NTN5: variants seen among roughly 807,000 people sequenced by gnomAD.
NTN5 encodes netrin-5.
NTN5 carries 42 observed loss-of-function variants against 38.7 expected under a neutral mutation model. The observed-to-expected ratio is 1.08, with a 90% confidence interval of 0.85 to 1.40. NTN5 has a LOEUF of 1.40. NTN5 is among the 40% of genes most tolerant of loss of function. The pLI, the probability that NTN5 is intolerant of heterozygous loss-of-function variation, is 0.00. For synonymous variants in NTN5, 329 were observed against 303.9 expected, an observed-to-expected ratio of 1.08 and a Z score of -0.86; for missense variants, 658 against 716.5, an observed-to-expected ratio of 0.92 and a Z score of 0.93.
chr19:48,664,574 C>T lies in NTN5; in HGVS notation c.820+5G>A. 2 of 1,605,508 alleles carry T rather than the reference C, an allele frequency of 1.2e-6. No homozygotes were observed. The highest frequency in any genetic ancestry group is 1.7e-6 in the Non-Finnish European group (2 of 1,175,768). ...CCCCCAGGCCTGTCTGCAGGCCACA[C>T]TCACCTCTGCAGGCCCTGCGGCTGA... On this transcript the variant is annotated splice_donor_5th_base_variant and intron_variant, in intron 3 of 6. Transcript: ENST00000270235.
At position 48,661,777 on chromosome 19, in the gene NTN5, G is replaced by A. The variant is rs769728097; in HGVS notation, c.1370C>T (p.Pro457Leu). 5 of 1,422,188 alleles carry A rather than the reference G, an allele frequency of 3.5e-6. No individual in the cohort carries two copies. Among genetic ancestry groups the A allele is most frequent in the Non-Finnish European group, 4.6e-6 (5 of 1,098,396 alleles). The allele number at this position is 1,422,188 out of a possible 1,614,324, so 88.1% of individuals were successfully genotyped here. A position where few individuals can be genotyped will look rare whatever the true frequency, so the allele number is the denominator to read the frequency against. The change falls in exon 7 of 7, where the codon CCG becomes CTG. Residue 457 changes from proline (P) to leucine (L), a missense_variant. Coordinates refer to ENST00000270235, the MANE Select transcript of NTN5 (RefSeq NM_145807.4). ...CCGCTTCAGGGGCCGGGCCCAGCGC[G>A]GCCTCCATGGCAGCGCGAGGCCGTG... ...DRHGLALPWR[P>L]RWARPLKRLQ...
Position 48,662,042 on chromosome 19 carries a change from C to T in NTN5, c.1106-1G>A. The T allele has an allele frequency of 6.1e-6, 9 of 1,471,474 alleles. No homozygotes were observed. Among genetic ancestry groups the T allele is most frequent in the Non-Finnish European group, 8.0e-6 (9 of 1,119,204 alleles). The allele number at this position is 1,471,474 out of a possible 1,614,324, so 91.2% of individuals were successfully genotyped here. On this transcript the variant is annotated splice_acceptor_variant, in intron 6 of 6. Coordinates refer to ENST00000270235, the MANE Select transcript of NTN5 (RefSeq NM_145807.4). LOFTEE classifies it high-confidence loss of function. ...GACGCTAGCACCTGCGCGCGGAGAA[C>T]TGTGGGGAGGGGAGATGTCAGCCCA...
In NTN5 at chr19:48,661,769, C is replaced by A. The variant is rs748151966; in HGVS notation, c.1378G>T (p.Ala460Ser). The change falls in exon 7 of 7, where the codon GCC (alanine) becomes TCC (serine). Residue 460 changes from alanine (A) to serine (S), a missense_variant. Coordinates refer to ENST00000270235, the MANE Select transcript of NTN5 (RefSeq NM_145807.4). ...GLALPWRPRW[A>S]RPLKRLQQEE... is the part of the protein sequence containing the mutation. ...TGCTGCAGCCGCTTCAGGGGCCGGGCCCAGCGCGGCCTCCATGGCAGCGCG... is the reference window on the plus strand; with the variant it reads ...TGCTGCAGCCGCTTCAGGGGCCGGGACCAGCGCGGCCTCCATGGCAGCGCG... 6.8e-7 allele frequency: 1 copy of A among 1,462,860 alleles called. No individual in the cohort carries two copies. The highest frequency in any genetic ancestry group is 2.6e-5 in the Admixed American group (1 of 38,886). The allele number at this position is 1,462,860 out of a possible 1,614,324, so 90.6% of individuals were successfully genotyped here.
chr19:48,662,898 G>A (rs2031586542), intron 6 of NTN5: 1 of 214,476 alleles, frequency 4.7e-6, no homozygotes, highest in African/African-American at 2.3e-5. Flanking sequence ...GGTTCCTGAG[G>A]GAGAAGTCTG....
intron 2 of NTN5, among the ~76,000 whole-genome samples, 180 bp from the exon 3 acceptor site, chr19:48,664,947 C>T (rs1160944164): frequency 6.6e-6 from 1 of 152,030 alleles, no homozygotes; most frequent in Non-Finnish European, 1.5e-5. Context: ...GAGACTCACT[C>T]TGTCACCCAG....
rs993328933 is a variant in NTN5 at position 48,661,978 on chromosome 19, CGCACGGCCA to C, written c.1160_1168del (p.Leu387_Val389del). On this transcript the variant is annotated inframe_deletion, in exon 7 of 7. Coordinates refer to ENST00000270235, the MANE Select transcript of NTN5 (RefSeq NM_145807.4). ...CCGCTGCTTGTAAACGGCCAGCACG[CGCACGGCCA>C]GCCGCTGCCATGCCGGGCCCGCCGC... 30 of 1,480,276 alleles carry C rather than the reference CGCACGGCCA, an allele frequency of 2.0e-5. No homozygotes were observed. The highest frequency in any genetic ancestry group is 2.7e-5 in the Non-Finnish European group (30 of 1,122,666). 91.7% of individuals were successfully genotyped at this position (1,480,276 alleles called of 1,614,324 possible).
At chr19:48,666,167 C>T (rs2031699525) in intron 2 of NTN5, among the ~76,000 whole-genome samples, 1 of 152,170 alleles carries the variant, frequency 6.6e-6, no homozygotes, top group African/African-American at 2.4e-5. Context: ...CAGAGAGGTA[C>T]AGCTAGCGGG....
At chr19:48,669,901 C>T (rs1601213712) in intron 2 of NTN5, among the ~76,000 whole-genome samples, 1 of 137,420 alleles carries the variant, frequency 7.3e-6, no homozygotes, top group Admixed American at 7.1e-5. Flanking sequence ...TCACCACCAC[C>T]ATCACCACCA....
chr19:48,663,846 G>A (rs759377834), intron 4 of NTN5, 32 bp from the exon 5 acceptor site: 8 of 1,606,086 alleles, frequency 5.0e-6, no homozygotes, highest in African/African-American at 4.0e-5. Flanking sequence ...TAACCTCTTA[G>A]TCATTTCCCC....
Position 48,670,556 on chromosome 19 carries a change from C to T in NTN5, c.431G>A (p.Gly144Asp), listed in dbSNP as rs1231295615. ...CCCAGCTGCCGCTAGCCCGGCCTGGCCCCCAAACTCCACACGGAGGTGGCT... is the reference window on the plus strand; with the variant it reads ...CCCAGCTGCCGCTAGCCCGGCCTGGTCCCCAAACTCCACACGGAGGTGGCT... Reference protein sequence around the residue: ...AASHLRVEFGGQAGLAAAGLR... With the variant: ...AASHLRVEFGDQAGLAAAGLR... The change falls in exon 2 of 7, where the codon GGC (glycine) becomes GAC (aspartate). Residue 144 changes from glycine to aspartate, a missense_variant. Gly to Asp is a moderately conservative substitution (Grantham distance 94). Coordinates refer to ENST00000270235, the MANE Select transcript of NTN5 (RefSeq NM_145807.4). The T allele has an allele frequency of 7.2e-6, 11 of 1,530,354 alleles. No individual in the cohort carries two copies. Among genetic ancestry groups the T allele is most frequent in the African/African-American group, 1.4e-5 (1 of 72,560 alleles). 94.8% of individuals were successfully genotyped at this position (1,530,354 alleles called of 1,614,324 possible). A position where few individuals can be genotyped will look rare whatever the true frequency, so the allele number is the denominator to read the frequency against.
chr19:48,669,688 C>CCATCAT (rs2031862169), intron 2 of NTN5, among the ~76,000 whole-genome samples: 6 of 111,272 alleles, frequency 5.4e-5, no homozygotes, highest in Admixed American at 5.2e-4. Context: ...ACCACCATCA[C>CCATCAT]CACCACCATC....
chr19:48,663,355 T>A (rs1047227244), intron 6 of NTN5, 108 bp downstream of exon 6: 11 of 970,690 alleles, frequency 1.1e-5, no homozygotes, highest in Non-Finnish European at 1.8e-5. Flanking sequence ...AATCCAACAC[T>A]CCTTCCCATT....
At chr19:48,669,534 C>T (rs1288184351) in intron 2 of NTN5, among the ~76,000 whole-genome samples, 17 of 20,928 alleles carry the variant, frequency 8.1e-4, no homozygotes, top group African/African-American at 3.0e-3. Context: ...ACCATCACCA[C>T]CACCATCACC....
In NTN5 at chr19:48,670,404, C is replaced by T; in HGVS notation, c.583G>A (p.Asp195Asn). ...GCESCRPSHR[D>N]WPWRPATPRH... ...GGCGTGGCAGGCCGCCAGGGCCAGTCTCGATGGGACGGGCGGCAGCTCTCG... is the reference window on the plus strand; with the variant it reads ...GGCGTGGCAGGCCGCCAGGGCCAGTTTCGATGGGACGGGCGGCAGCTCTCG... Residue 195 changes from aspartate (D) to asparagine (N), a missense_variant, in exon 2 of 7, where the codon GAC becomes AAC. Physicochemically the swap from Asp to Asn is conservative, Grantham distance 23 (BLOSUM62 1). Coordinates refer to ENST00000270235, the MANE Select transcript of NTN5 (RefSeq NM_145807.4). 7.0e-7 allele frequency: 1 copy of T among 1,431,878 alleles called. No individual in the cohort carries two copies. Among genetic ancestry groups the T allele is most frequent in the East Asian group, 2.7e-5 (1 of 37,190 alleles). 88.7% of individuals were successfully genotyped at this position (1,431,878 alleles called of 1,614,324 possible). A position where few individuals can be genotyped will look rare whatever the true frequency, so the allele number is the denominator to read the frequency against.
In NTN5 at chr19:48,669,201, T is replaced by TGAC. The variant is rs1555749770; in HGVS notation, c.631+1154_631+1155insGTC. On this transcript the variant is annotated intron_variant, in intron 2 of 6. Coordinates refer to ENST00000270235, the MANE Select transcript of NTN5 (RefSeq NM_145807.4). ...ACCATGACCACCATCATCACCACCA[T>TGAC]CACCATCACCACCACCACCACCACG... is the stretch of plus-strand genomic sequence containing the variant. Among the ~76,000 whole-genome samples the TGAC allele has an allele frequency of 1.8e-3, 30 of 16,246 alleles. 7 individuals are homozygous for TGAC. The highest frequency in any genetic ancestry group is 0.018 in the African/African-American group (27 of 1,530). The allele number at this position is 16,246 out of a possible 152,430, so 10.7% of individuals were successfully genotyped here.
Position 48,670,635 on chromosome 19 carries a change from G to T in NTN5, c.352C>A (p.Pro118Thr). 1.9e-6 allele frequency: 3 copies of T among 1,601,374 alleles called. No individual in the cohort carries two copies. Among genetic ancestry groups the T allele is most frequent in the Non-Finnish European group, 2.6e-6 (3 of 1,174,782 alleles). Residue 118 changes from proline to threonine, a missense_variant, in exon 2 of 7, where the codon CCT becomes ACT. Transcript: ENST00000270235. ...GTGGAGTGGAAGGTCACCCTTTCAG[G>T]GCCCCCTAAGGCCCCAGGCCAGGCG... Reference protein sequence around the residue: ...RPAWPGALGGPERVTFHSTPG... With the variant: ...RPAWPGALGGTERVTFHSTPG...
intron 2 of NTN5, among the ~76,000 whole-genome samples, chr19:48,670,074 T>C (rs558032917): frequency 6.7e-6 from 1 of 148,652 alleles, no homozygotes; most frequent in East Asian, 2.0e-4. Context: ...ACCACCATCA[T>C]CACCATTACC....
intron 2 of NTN5, 68 bp from the exon 3 acceptor site, chr19:48,664,835 C>T (rs1318075479): frequency 7.3e-7 from 1 of 1,362,830 alleles, no homozygotes; most frequent in African/African-American, 1.5e-5. Context: ...CAGCTTTCTT[C>T]CCATGGCCCT....
At chr19:48,669,873 TCACCACTAC>T (rs2031889328) in intron 2 of NTN5, among the ~76,000 whole-genome samples, 1 of 37,684 alleles carries the variant, frequency 2.7e-5, no homozygotes, top group African/African-American at 9.7e-5. Context: ...ATCACCATCA[TCACCACTAC>T]CATCACCATC....
Sources: allele counts gnomAD v4.1 joint callset (sites outside exome capture counted in the v4.1 genomes callset), GRCh38; gene constraint gnomAD v4.1.1; transcripts MANE v1.5; gene names NCBI Gene and HGNC (gene_info 2026-07-23, HGNC 2026-07-21).